STK10: variants seen among roughly 807,000 people sequenced by gnomAD.
The protein encoded by STK10 is serine/threonine-protein kinase 10.
A neutral mutation model predicts 113.8 loss-of-function variants in STK10; 78 were observed. The observed-to-expected ratio is 0.69, with a 90% CI of 0.57 to 0.83. STK10 has a LOEUF of 0.83. Ranked by LOEUF, STK10 falls within the 40% of genes least tolerant of loss-of-function variation. STK10 has a pLI of 0.00. For synonymous variants in STK10, 465 were observed against 494.7 expected, an observed-to-expected ratio of 0.94 and a Z score of 0.80; for missense variants, 1,109 against 1,280.1, an observed-to-expected ratio of 0.87 and a Z score of 2.04.
At chr5:172,130,051 A>G (rs1395349149) in intron 2 of STK10, among the ~76,000 whole-genome samples, 1 of 152,138 alleles carries the variant, frequency 6.6e-6, no homozygotes, top group African/African-American at 2.4e-5. Context: ...TTCCTGTGCC[A>G]TTCTATTGAA....
intron 6 of STK10, among the ~76,000 whole-genome samples, chr5:172,106,201 A>T (rs138139476): frequency 2.8e-4 from 42 of 151,958 alleles, no homozygotes; most frequent in African/African-American, 9.6e-4. Flanking sequence ...CCTTGAGGCC[A>T]GGAGTTCAAG....
At chr5:172,106,053 C>T (rs1020229102) in intron 6 of STK10, among the ~76,000 whole-genome samples, 3 of 152,106 alleles carry the variant, frequency 2.0e-5, no homozygotes, top group Non-Finnish European at 4.4e-5. Flanking sequence ...TCAGCTGGGG[C>T]TCCTGTTCCC....
chr5:172,093,977 A>G lies in STK10; in HGVS notation c.1006-17T>C. The G allele has an allele frequency of 1.4e-6, 2 of 1,389,064 alleles. No individual in the cohort carries two copies. Among genetic ancestry groups the G allele is most frequent in the East Asian group, 2.6e-5 (1 of 37,956 alleles). The allele number at this position is 1,389,064 out of a possible 1,614,324, so 86.0% of individuals were successfully genotyped here. A position where few individuals can be genotyped will look rare whatever the true frequency, so the allele number is the denominator to read the frequency against. On this transcript the variant is annotated splice_polypyrimidine_tract_variant and intron_variant, in intron 8 of 18. Coordinates refer to ENST00000176763, the MANE Select transcript of STK10 (RefSeq NM_005990.4). The surrounding 1 kb of genome is among the most constrained non-coding windows in gnomAD (Gnocchi z 4.1). ...CTCCAGGGTCTAGAAAAATATATATATATATATTAAAGGCCATGCTGCTGT... is the reference window on the plus strand; with the variant it reads ...CTCCAGGGTCTAGAAAAATATATATGTATATATTAAAGGCCATGCTGCTGT...
intron 2 of STK10, among the ~76,000 whole-genome samples, chr5:172,148,665 C>T (rs374557250): frequency 6.6e-5 from 10 of 152,126 alleles, no homozygotes; most frequent in East Asian, 1.9e-4. Flanking sequence ...TTCTGCCGGA[C>T]GATGGCCCCT....
intron 2 of STK10, among the ~76,000 whole-genome samples, chr5:172,154,600 G>A (rs569421068): frequency 6.6e-6 from 1 of 152,222 alleles, no homozygotes. Flanking sequence ...AGCTACAATA[G>A]AGGAGGGAAA....
chr5:172,173,260 C>T (rs1000510683), intron 1 of STK10, among the ~76,000 whole-genome samples: 2 of 152,154 alleles, frequency 1.3e-5, no homozygotes, highest in Non-Finnish European at 2.9e-5. Context: ...TCCCCAACCC[C>T]GTATCAGGGC....
At chr5:172,090,460 T>G in intron 9 of STK10, 98 bp from the exon 10 acceptor site, 1 of 1,496,650 alleles carries the variant, frequency 6.7e-7, no homozygotes, top group Non-Finnish European at 9.0e-7. Context: ...GCCCACAGCT[T>G]CAGAACCACC....
Position 172,107,852 on chromosome 5 carries a change from G to A in STK10, c.521C>T (p.Ala174Val). 6.2e-7 allele frequency: 1 copy of A among 1,614,114 alleles called. No homozygotes were observed. Among genetic ancestry groups the A allele is most frequent in the Non-Finnish European group, 8.5e-7 (1 of 1,179,966 alleles). ...ATTCTTGGCAGACACACCAAAGTCA[G>A]CTGCAAGACAAAATCTCAGCTAGCG... The part of the protein sequence containing the change: ...LMTLEGDIRL[A>V]DFGVSAKNLK... Residue 174 changes from alanine to valine, a missense_variant and splice_region_variant, in exon 5 of 19, where the codon GCT (alanine) becomes GTT (valine). Ala to Val is a moderately conservative substitution (Grantham distance 64). Transcript: ENST00000176763.
In STK10 at chr5:172,067,366, AAATAG is replaced by A. The variant is rs1768092121; in HGVS notation, c.1990-2559_1990-2555del. On this transcript the variant is annotated intron_variant, in intron 12 of 18. Coordinates refer to ENST00000176763, the MANE Select transcript of STK10 (RefSeq NM_005990.4). Reference sequence around the variant, plus strand: ...AGCAAGACCCTGTCTCTAAATAAATAAATAGAATAAATAAATAAATAAATAAATAA... The same window carrying A: ...AGCAAGACCCTGTCTCTAAATAAATAAATAAATAAATAAATAAATAAATAA... 2.1e-5 allele frequency among the ~76,000 whole-genome samples: 3 copies of A among 142,482 alleles called. No homozygotes were observed. The East Asian group carries it at 6.0e-4, about 28-fold the overall frequency. 93.5% of individuals were successfully genotyped at this position (142,482 alleles called of 152,430 possible). A position where few individuals can be genotyped will look rare whatever the true frequency, so the allele number is the denominator to read the frequency against.
chr5:172,168,550 C>T (rs547458339), intron 1 of STK10, among the ~76,000 whole-genome samples: 11 of 152,232 alleles, frequency 7.2e-5, no homozygotes, highest in South Asian at 6.2e-4. Context: ...CAGGTCCTTG[C>T]GGGCTCAGGA....
intron 7 of STK10, among the ~76,000 whole-genome samples, chr5:172,102,355 C>T (rs959334522): frequency 1.3e-5 from 2 of 152,090 alleles, no homozygotes; most frequent in East Asian, 3.9e-4. Context: ...TGCCATCGGC[C>T]GAGATGGGAA....
chr5:172,173,938 T>C (rs1770706933), intron 1 of STK10, among the ~76,000 whole-genome samples: 1 of 152,178 alleles, frequency 6.6e-6, no homozygotes, highest in African/African-American at 2.4e-5. Context: ...CTCAAGATGC[T>C]GAGGATCAGA....
intron 5 of STK10, 104 bp downstream of exon 5, chr5:172,107,676 T>TATGCCCACAGGCTGACCGG (rs1769146340): frequency 2.2e-5 from 14 of 647,180 alleles, no homozygotes; most frequent in Non-Finnish European, 3.1e-5. Flanking sequence ...AGGCAGGGCG[T>TATGCCCACAGGCTGACCGG]GTAGCCCTTG....
Position 172,106,588 on chromosome 5 carries a change from CCCCGGCAGGTGG to C in STK10, c.788+20_788+31del. On this transcript the variant is annotated intron_variant, in intron 6 of 18. Coordinates refer to ENST00000176763, the MANE Select transcript of STK10 (RefSeq NM_005990.4). Reference sequence around the variant, plus strand: ...TCCAGCCCTAATCCCGGCGCAGGCACCCCGGCAGGTGGCCCTGCCCCTGCCCCTCACCACTTA... The same window carrying C: ...TCCAGCCCTAATCCCGGCGCAGGCACCCCTGCCCCTGCCCCTCACCACTTA... 6.3e-7 allele frequency: 1 copy of C among 1,598,804 alleles called. No individual in the cohort carries two copies. The highest frequency in any genetic ancestry group is 8.5e-7 in the Non-Finnish European group (1 of 1,172,826).
rs1767434922 is a variant in STK10 at position 172,043,826 on chromosome 5, C to T, written c.*1056G>A. On this transcript the variant is annotated 3_prime_UTR_variant, in exon 19 of 19. Transcript: ENST00000176763. ...AAGAGAAGTCCAACAGACTGCCAGCCCAGGTCTGAAATGCAAGGTGGGACT... is the reference window on the plus strand; with the variant it reads ...AAGAGAAGTCCAACAGACTGCCAGCTCAGGTCTGAAATGCAAGGTGGGACT... 6.6e-6 allele frequency: 1 copy of T among 152,156 alleles called. No individual in the cohort carries two copies. Among genetic ancestry groups the T allele is most frequent in the African/African-American group, 2.4e-5 (1 of 41,414 alleles). The allele number at this position is 152,156 out of a possible 1,614,324, so 9.4% of individuals were successfully genotyped here.
intron 7 of STK10, among the ~76,000 whole-genome samples, chr5:172,104,021 G>C (rs747759175): frequency 1.3e-5 from 2 of 152,210 alleles, no homozygotes; most frequent in African/African-American, 2.4e-5. Flanking sequence ...TAACTAAGCT[G>C]CTACCCCAGA....
intron 3 of STK10, among the ~76,000 whole-genome samples, chr5:172,121,622 C>T (rs909783826): frequency 6.6e-6 from 1 of 152,058 alleles, no homozygotes; most frequent in African/African-American, 2.4e-5. Context: ...GCCTGATCAA[C>T]ATGGAGAAAC....
chr5:172,119,974 G>C (rs1375434912), intron 3 of STK10, among the ~76,000 whole-genome samples: 2 of 152,212 alleles, frequency 1.3e-5, no homozygotes, highest in Non-Finnish European at 2.9e-5. Context: ...CAGTGGTCCA[G>C]ATAGGCACCA....
At chr5:172,169,393 T>C (rs1034889987) in intron 1 of STK10, among the ~76,000 whole-genome samples, 1 of 151,266 alleles carries the variant, frequency 6.6e-6, no homozygotes, top group Non-Finnish European at 1.5e-5. Flanking sequence ...GACAAGCACA[T>C]GGAGGAGTGA....
Sources: allele counts gnomAD v4.1 joint callset (sites outside exome capture counted in the v4.1 genomes callset), GRCh38; gene constraint gnomAD v4.1.1; non-coding constraint Gnocchi (gnomAD v3.1); transcripts MANE v1.5; gene names NCBI Gene and HGNC (gene_info 2026-07-23, HGNC 2026-07-21).